DDC: variants seen among roughly 807,000 people sequenced by gnomAD.
DDC encodes the protein dopa decarboxylase, also known as aromatic-L-amino-acid decarboxylase.
DDC carries 43 observed loss-of-function variants against 60.0 expected under a neutral mutation model. The ratio of observed to expected loss-of-function variants is 0.72; its 90% CI spans 0.56 to 0.92. The LOEUF (loss-of-function observed/expected upper bound fraction) is 0.92. Ranked by LOEUF, DDC falls within the 40% of genes least tolerant of loss-of-function variation. The pLI is 0.00. For synonymous variants in DDC, 232 were observed against 234.6 expected (o/e 0.99, Z 0.10); for missense variants, 573 against 620.2 (o/e 0.92, Z 0.81).
Position 50,460,436 on chromosome 7 carries a change from C to T in DDC, c.*19-1593G>A, listed in dbSNP as rs563097455. Among the ~76,000 whole-genome samples the T allele has an allele frequency of 7.1e-4, 107 of 150,090 alleles. No individual in the cohort carries two copies. The South Asian group carries it at 7.6e-3, about 11-fold the overall frequency. On this transcript the variant is annotated intron_variant, in intron 14 of 14. Transcript: ENST00000444124. ...GGGGGTCAGCCCCCTGCCCGGCCAGCCGCCCCGTCCGGCCAGCCACCCGGT... is the reference window on the plus strand; with the variant it reads ...GGGGGTCAGCCCCCTGCCCGGCCAGTCGCCCCGTCCGGCCAGCCACCCGGT...
intron 4 of DDC, among the ~76,000 whole-genome samples, chr7:50,537,334 G>T (rs11575322): frequency 6.6e-6 from 1 of 152,158 alleles, no homozygotes; most frequent in Admixed American, 6.5e-5. Context: ...GGAATATCAC[G>T]GGCTCTGAGC....
chr7:50,478,678 A>C (rs762584610), intron 10 of DDC, among the ~76,000 whole-genome samples: 4 of 152,214 alleles, frequency 2.6e-5, no homozygotes, highest in Non-Finnish European at 5.9e-5. Flanking sequence ...CTTAGCCAGT[A>C]GTTTCCTCTG....
intron 6 of DDC, among the ~76,000 whole-genome samples, chr7:50,506,328 T>TA (rs1403783158): frequency 6.6e-6 from 1 of 152,064 alleles, no homozygotes; most frequent in Non-Finnish European, 1.5e-5. Context: ...CAAATTTGTT[T>TA]GAGTTCCACA....
chr7:50,493,828 C>G (rs75522740), intron 9 of DDC, among the ~76,000 whole-genome samples: 3 of 147,378 alleles, frequency 2.0e-5, no homozygotes, highest in Non-Finnish European at 3.0e-5. Flanking sequence ...AAAAAAAAAA[C>G]AGGAAAAGGT....
chr7:50,557,466 G>T (rs2045222802), intron 1 of DDC, among the ~76,000 whole-genome samples: 1 of 152,204 alleles, frequency 6.6e-6, no homozygotes, highest in Non-Finnish European at 1.5e-5. Flanking sequence ...TTCCATTTTA[G>T]TCCTGACCGT....
intron 6 of DDC, among the ~76,000 whole-genome samples, chr7:50,524,580 T>C (rs957347553): frequency 4.6e-5 from 7 of 152,216 alleles, no homozygotes; most frequent in African/African-American, 1.7e-4. Flanking sequence ...AGATGTTCAT[T>C]AGTTATCAGG....
At chr7:50,529,078 T>C in intron 5 of DDC, 130 bp downstream of exon 5, 2 of 1,219,800 alleles carry the variant, frequency 1.6e-6, no homozygotes, top group African/African-American at 1.5e-5. Context: ...GTAGTTCAGG[T>C]CTCTATTTAG....
At chr7:50,477,087 C>T (rs1013375345) in intron 10 of DDC, among the ~76,000 whole-genome samples, 2 of 152,070 alleles carry the variant, frequency 1.3e-5, no homozygotes, top group South Asian at 2.1e-4. Flanking sequence ...TCTCTGTATC[C>T]GTGGATCTTA....
At chr7:50,552,732 T>C (rs1284900632) in intron 1 of DDC, among the ~76,000 whole-genome samples, 2 of 152,236 alleles carry the variant, frequency 1.3e-5, no homozygotes, top group African/African-American at 4.8e-5. Context: ...AGGTATTTGC[T>C]GAATGATGAA....
chr7:50,461,617 T>C (rs548811980), intron 14 of DDC, among the ~76,000 whole-genome samples: 11 of 152,314 alleles, frequency 7.2e-5, no homozygotes, highest in African/African-American at 2.6e-4. Flanking sequence ...TACATGCTTA[T>C]GAGACAGATG....
intron 14 of DDC, among the ~76,000 whole-genome samples, chr7:50,462,628 A>G (rs2042302909): frequency 6.6e-6 from 1 of 152,262 alleles, no homozygotes; most frequent in African/African-American, 2.4e-5. Context: ...AGTTATCTCA[A>G]CAAATGCTGT....
chr7:50,488,831 T>A (rs2153537785), intron 9 of DDC, among the ~76,000 whole-genome samples: 1 of 152,312 alleles, frequency 6.6e-6, no homozygotes. Flanking sequence ...AACTTTAATT[T>A]CATCTCGCTG....
At chr7:50,481,661 C>T (rs1307704247) in intron 9 of DDC, among the ~76,000 whole-genome samples, 2 of 152,180 alleles carry the variant, frequency 1.3e-5, no homozygotes, top group Non-Finnish European at 2.9e-5. Flanking sequence ...ATTCCTGTCC[C>T]TCACCTACTT....
chr7:50,465,442 C>T (rs1386027930), intron 13 of DDC, among the ~76,000 whole-genome samples: 1 of 133,252 alleles, frequency 7.5e-6, no homozygotes, highest in Non-Finnish European at 1.6e-5. Context: ...ACAATCTCAG[C>T]TCACTGCAAC....
At chr7:50,500,483 T>A (rs1040557382) in intron 7 of DDC, among the ~76,000 whole-genome samples, 1 of 152,198 alleles carries the variant, frequency 6.6e-6, no homozygotes, top group Non-Finnish European at 1.5e-5. Flanking sequence ...TTTCTCAACC[T>A]TACCGCTGAT....
At chr7:50,541,885 G>C (rs1271796514) in intron 2 of DDC, among the ~76,000 whole-genome samples, 4 of 152,210 alleles carry the variant, frequency 2.6e-5, no homozygotes, top group Non-Finnish European at 2.9e-5. Flanking sequence ...AGCCAACTGA[G>C]AGAGCTCACC....
chr7:50,543,774 A>G (rs2044711542), intron 2 of DDC, 111 bp downstream of exon 2: 1 of 1,110,436 alleles, frequency 9.0e-7, no homozygotes, highest in Non-Finnish European at 1.4e-6. Context: ...TTTCTCTCCA[A>G]CCTGACTGCC....
chr7:50,542,720 C>T (rs145295652), intron 2 of DDC: 1 of 152,402 alleles, frequency 6.6e-6, no homozygotes, highest in African/African-American at 2.4e-5. Context: ...TTATGCTGAA[C>T]AGCTTAGTGT....
chr7:50,506,154 A>G (rs2043389441), intron 6 of DDC, among the ~76,000 whole-genome samples: 1 of 152,170 alleles, frequency 6.6e-6, no homozygotes, highest in South Asian at 2.1e-4. Flanking sequence ...GCTCCAGGTC[A>G]CATTTGGAGC....
Sources: allele counts gnomAD v4.1 joint callset (sites outside exome capture counted in the v4.1 genomes callset), GRCh38; gene constraint gnomAD v4.1.1; transcripts MANE v1.5; gene names NCBI Gene and HGNC (gene_info 2026-07-23, HGNC 2026-07-21).